BCAS4: variants seen among roughly 807,000 people sequenced by gnomAD.
BCAS4 encodes breast carcinoma amplified sequence 4.
A neutral mutation model predicts 15.7 loss-of-function variants in BCAS4; 9 were observed. That is an observed-to-expected ratio of 0.57 (90% CI 0.34 to 1.00). The LOEUF (loss-of-function observed/expected upper bound fraction) is 1.00. Among genes scored for constraint, BCAS4 ranks in the 50% least tolerant of loss-of-function variants. The pLI, the probability that BCAS4 is intolerant of heterozygous loss-of-function variation, is 0.02. For missense variants in BCAS4, 225 were observed against 239.1 expected (o/e 0.94, Z 0.39); for synonymous variants, 101 against 99.5 (o/e 1.02, Z -0.09).
intron 1 of BCAS4, among the ~76,000 whole-genome samples, chr20:50,801,862 A>G (rs77761799): frequency 0.033 from 5,013 of 152,116 alleles, 100 homozygotes; most frequent in African/African-American, 0.05. Flanking sequence ...GAGGGCAAAG[A>G]TCTGACAGCA....
intron 4 of BCAS4, among the ~76,000 whole-genome samples, chr20:50,869,005 C>T (rs1439109216): frequency 6.6e-6 from 1 of 152,220 alleles, no homozygotes; most frequent in African/African-American, 2.4e-5. Flanking sequence ...TGGATTTTGT[C>T]TTCCTGGTCC....
chr20:50,801,074 T>C (rs2087920921), intron 1 of BCAS4, among the ~76,000 whole-genome samples: 1 of 152,160 alleles, frequency 6.6e-6, no homozygotes, highest in South Asian at 2.1e-4. Flanking sequence ...ACATGTCGCA[T>C]CCTTTTGTGA....
intron 4 of BCAS4, among the ~76,000 whole-genome samples, chr20:50,855,712 G>A (rs751971438): frequency 2.6e-5 from 4 of 152,094 alleles, no homozygotes; most frequent in Non-Finnish European, 5.9e-5. Flanking sequence ...TCCACATCAG[G>A]GCATAAGTGC....
chr20:50,863,630 A>T (rs948502384), intron 4 of BCAS4, among the ~76,000 whole-genome samples: 1 of 152,160 alleles, frequency 6.6e-6, no homozygotes, highest in African/African-American at 2.4e-5. Context: ...ACCTTCAAGG[A>T]TTCTATTGAT....
intron 4 of BCAS4, among the ~76,000 whole-genome samples, chr20:50,852,223 A>T (rs563533522): frequency 2.0e-5 from 3 of 152,274 alleles, no homozygotes; most frequent in African/African-American, 7.2e-5. Flanking sequence ...AGGAACTGAA[A>T]TTCAAACACT....
At chr20:50,858,143 C>G (rs1037887058) in intron 4 of BCAS4, among the ~76,000 whole-genome samples, 2 of 152,278 alleles carry the variant, frequency 1.3e-5, no homozygotes, top group African/African-American at 4.8e-5. Context: ...ACAGTAATCC[C>G]TGGTATCCAT....
intron 4 of BCAS4, among the ~76,000 whole-genome samples, chr20:50,864,423 C>T (rs935417134): frequency 6.7e-6 from 1 of 149,398 alleles, no homozygotes; most frequent in Non-Finnish European, 1.5e-5. Context: ...ATTGTCCTTA[C>T]TATTGATCAT....
intron 4 of BCAS4, among the ~76,000 whole-genome samples, chr20:50,862,487 G>C (rs560527113): frequency 6.6e-6 from 1 of 152,026 alleles, no homozygotes; most frequent in African/African-American, 2.4e-5. Flanking sequence ...GAGAGGGGTC[G>C]CAGGTGCATG....
At chr20:50,794,992 G>C, upstream of BCAS4, 1 of 1,311,170 alleles carries the variant, frequency 7.6e-7, no homozygotes, top group Non-Finnish European at 9.7e-7. Context: ...GGTCCGCGGG[G>C]CATGCAGCGG....
rs555925234 is a variant in BCAS4 at position 50,872,661 on chromosome 20, T to C, written c.400-3825T>C. Reference sequence around the variant, plus strand: ...GACAGGCGGAAACAGCGCCCACCCATGCCCACCACTCTCCAAGACTGTGTT... The same window carrying C: ...GACAGGCGGAAACAGCGCCCACCCACGCCCACCACTCTCCAAGACTGTGTT... On this transcript the variant is annotated intron_variant, in intron 4 of 4. Coordinates refer to ENST00000371608, the MANE Select transcript of BCAS4 (RefSeq NM_198799.4). 1.9e-4 allele frequency among the ~76,000 whole-genome samples: 29 copies of C among 152,018 alleles called. 2 individuals carry two copies. In the South Asian group the frequency reaches 4.8e-3, roughly 25 times the overall value.
At chr20:50,853,463 T>C (rs939291191) in intron 4 of BCAS4, among the ~76,000 whole-genome samples, 1 of 152,126 alleles carries the variant, frequency 6.6e-6, no homozygotes, top group Non-Finnish European at 1.5e-5. Flanking sequence ...CTAATCGGAA[T>C]GTCACCTTCA....
At chr20:50,858,342 C>T (rs1439978906) in intron 4 of BCAS4, among the ~76,000 whole-genome samples, 2 of 152,166 alleles carry the variant, frequency 1.3e-5, no homozygotes, top group Non-Finnish European at 2.9e-5. Flanking sequence ...TGGCTCACAC[C>T]TGTAATCCCA....
At chr20:50,852,245 G>C (rs958134217) in intron 4 of BCAS4, among the ~76,000 whole-genome samples, 1 of 152,174 alleles carries the variant, frequency 6.6e-6, no homozygotes, top group Non-Finnish European at 1.5e-5. Context: ...ACTGAGACCA[G>C]GCAAGGCCCT....
At chr20:50,874,226 A>G (rs1481891642) in intron 4 of BCAS4, among the ~76,000 whole-genome samples, 1 of 152,032 alleles carries the variant, frequency 6.6e-6, no homozygotes, top group Admixed American at 6.6e-5. Flanking sequence ...TCCCAGGTGG[A>G]CCCCAGCCCT....
At chr20:50,872,440 G>A (rs1056260693) in intron 4 of BCAS4, among the ~76,000 whole-genome samples, 4 of 151,190 alleles carry the variant, frequency 2.6e-5, no homozygotes, top group African/African-American at 9.7e-5. Flanking sequence ...ACGTGGTGGC[G>A]GGTGCCTGTA....
chr20:50,825,121 T>G (rs1464353547), intron 2 of BCAS4, among the ~76,000 whole-genome samples: 1 of 152,158 alleles, frequency 6.6e-6, no homozygotes, highest in Non-Finnish European at 1.5e-5. Flanking sequence ...GAAGAGGAAA[T>G]AGTTCTTGCC....
At chr20:50,854,526 A>G (rs1039802805) in intron 4 of BCAS4, among the ~76,000 whole-genome samples, 4 of 152,160 alleles carry the variant, frequency 2.6e-5, no homozygotes, top group Admixed American at 2.6e-4. Context: ...CATTTTATAA[A>G]GAGCAACTGA....
At chr20:50,819,847 C>A (rs929392698) in intron 2 of BCAS4, among the ~76,000 whole-genome samples, 1 of 151,894 alleles carries the variant, frequency 6.6e-6, no homozygotes, top group African/African-American at 2.4e-5. Context: ...TCCCTTCCTT[C>A]CTTCCTTTCT....
chr20:50,816,849 G>T (rs2088145267), intron 1 of BCAS4, among the ~76,000 whole-genome samples: 1 of 128,130 alleles, frequency 7.8e-6, no homozygotes. Flanking sequence ...CTGTCGCCCA[G>T]GCTGGAGTGC....
Sources: allele counts gnomAD v4.1 joint callset (sites outside exome capture counted in the v4.1 genomes callset), GRCh38; gene constraint gnomAD v4.1.1; transcripts MANE v1.5; gene names NCBI Gene and HGNC (gene_info 2026-07-23, HGNC 2026-07-21).